The following HK1 variants were observed in gnomAD, a reference collection of about 807,000 sequenced individuals.
HK1 encodes the protein hexokinase-1.
HK1 carries 28 observed loss-of-function variants against 91.6 expected under a neutral mutation model. The observed-to-expected ratio is 0.31, with a 90% CI of 0.23 to 0.42. The LOEUF (loss-of-function observed/expected upper bound fraction) is 0.42. HK1 is among the 10% of genes least tolerant of loss of function. HK1 has a pLI of 1.00. For missense variants in HK1, 770 were observed against 1,219.8 expected (o/e 0.63, Z 5.49); for synonymous variants, 430 against 468.1 (o/e 0.92, Z 1.05).
chr10:69,372,092 G>A (rs1041735734), intron 7 of HK1, among the ~76,000 whole-genome samples: 1 of 152,120 alleles, frequency 6.6e-6, no homozygotes, highest in East Asian at 1.9e-4. Context: ...AGCAGGCAAA[G>A]AGAAATTGTG....
chr10:69,336,889 C>T (rs1172566230), intron 1 of HK1, among the ~76,000 whole-genome samples: 2 of 152,060 alleles, frequency 1.3e-5, no homozygotes, highest in East Asian at 1.9e-4. Context: ...AAGTGATCCA[C>T]CCGCCTCGGC....
At position 69,389,393 on chromosome 10, in the gene HK1, G is replaced by A. The variant is rs1839793110; in HGVS notation, c.2035+97G>A. On this transcript the variant is annotated intron_variant, in intron 14 of 17. Transcript: ENST00000359426. ...CCCAGCAGCTTGGTCCTCTGTATGGGGTAGTCTTATCTGTCAGTATCATTT... is the reference window on the plus strand; with the variant it reads ...CCCAGCAGCTTGGTCCTCTGTATGGAGTAGTCTTATCTGTCAGTATCATTT... 4.2e-6 allele frequency: 3 copies of A among 719,156 alleles called. No homozygotes were observed. The South Asian group carries it at 4.4e-5, about 11-fold the overall frequency. 44.5% of individuals were successfully genotyped at this position (719,156 alleles called of 1,614,324 possible). A position where few individuals can be genotyped will look rare whatever the true frequency, so the allele number is the denominator to read the frequency against.
chr10:69,344,057 A>G, intron 2 of HK1, 68 bp downstream of exon 2: 1 of 1,495,258 alleles, frequency 6.7e-7, no homozygotes, highest in Non-Finnish European at 9.3e-7. Context: ...TTCTAACTTC[A>G]TTTGTTCATA....
chr10:69,360,624 G>A (rs967023875), intron 3 of HK1, among the ~76,000 whole-genome samples: 32 of 152,172 alleles, frequency 2.1e-4, no homozygotes, highest in African/African-American at 6.5e-4. Context: ...CTCCTGTTGG[G>A]GCTCCCCACG....
intron 4 of HK1, among the ~76,000 whole-genome samples, chr10:69,299,621 C>CAA (rs1171987870): frequency 1.3e-5 from 2 of 151,242 alleles, no homozygotes; most frequent in Admixed American, 1.3e-4. Context: ...AGCTCGGCCT[C>CAA]CCAAAGTGCT....
chr10:69,315,640 T>G, upstream of HK1: 1 of 439,968 alleles, frequency 2.3e-6, no homozygotes. Flanking sequence ...AAGTCAGCAC[T>G]GGAACAACAG....
chr10:69,323,864 G>T (rs977277826), intron 1 of HK1, among the ~76,000 whole-genome samples: 1 of 152,194 alleles, frequency 6.6e-6, no homozygotes, highest in Non-Finnish European at 1.5e-5. Flanking sequence ...GCATGACTGG[G>T]ACTGTCTGTG....
At chr10:69,343,661 G>A (rs921167546) in intron 1 of HK1, among the ~76,000 whole-genome samples, 166 bp from the exon 2 acceptor site, 1 of 152,218 alleles carries the variant, frequency 6.6e-6, no homozygotes, top group African/African-American at 2.4e-5. Flanking sequence ...TTGCAAGCCT[G>A]TTCTGGGTGA....
chr10:69,275,340 G>A (rs929775442), intron 1 of HK1, among the ~76,000 whole-genome samples: 4 of 151,198 alleles, frequency 2.6e-5, no homozygotes, highest in African/African-American at 7.3e-5. Flanking sequence ...GAGCAACATG[G>A]CGAGACCCCA....
intron 8 of HK1, among the ~76,000 whole-genome samples, chr10:69,378,157 C>T (rs887118827): frequency 1.3e-5 from 2 of 152,084 alleles, no homozygotes; most frequent in African/African-American, 2.4e-5. Context: ...GGAAGGGGAG[C>T]GGGAGACTCG....
At chr10:69,294,425 T>C (rs995851816) in intron 3 of HK1, among the ~76,000 whole-genome samples, 1 of 152,158 alleles carries the variant, frequency 6.6e-6, no homozygotes, top group Non-Finnish European at 1.5e-5. Flanking sequence ...AAGGAAGTTA[T>C]AAAAAAGCAG....
chr10:69,288,661 CT>C lies in HK1; in HGVS notation c.-214-7del. 3.0e-6 allele frequency: 4 copies of C among 1,331,048 alleles called. No homozygotes were observed. In the South Asian group the frequency reaches 4.7e-5, roughly 16 times the overall value. 82.5% of individuals were successfully genotyped at this position (1,331,048 alleles called of 1,614,324 possible). A position where few individuals can be genotyped will look rare whatever the true frequency, so the allele number is the denominator to read the frequency against. On this transcript the variant is annotated splice_polypyrimidine_tract_variant and intron_variant, in intron 2 of 21. Transcript: ENST00000360289. ...TGACCCTGCCTTCTTTGAACTTGGC[CT>C]TTCTCTAGGCGTTCAAGACCCAGCT...
At chr10:69,358,099 T>C (rs1589534903) in intron 2 of HK1, among the ~76,000 whole-genome samples, 1 of 152,120 alleles carries the variant, frequency 6.6e-6, no homozygotes, top group East Asian at 1.9e-4. Flanking sequence ...TTTACTGCCA[T>C]AGGATTGAGA....
intron 5 of HK1, among the ~76,000 whole-genome samples, chr10:69,310,420 CAAAA>C (rs745830600): frequency 0.025 from 2,108 of 85,386 alleles, 43 homozygotes; most frequent in African/African-American, 0.08. Flanking sequence ...GACTTTGTCT[CAAAA>C]AAAAAAAAAA....
At chr10:69,356,608 G>A (rs1849141807) in intron 2 of HK1, among the ~76,000 whole-genome samples, 1 of 151,798 alleles carries the variant, frequency 6.6e-6, no homozygotes, top group Non-Finnish European at 1.5e-5. Flanking sequence ...AATGAGGCCG[G>A]GTGCGGTGGC....
At chr10:69,300,820 T>C (rs548563930) in exon 5 of HK1, 186 of 1,611,074 alleles carry the variant, frequency 1.2e-4, no homozygotes, top group Non-Finnish European at 1.3e-4. Context: ...TGCACCACTG[T>C]GGTGGCGTGG....
chr10:69,297,254 G>A (rs10998703), intron 4 of HK1, among the ~76,000 whole-genome samples: 21,824 of 152,158 alleles, frequency 0.14, 1,769 homozygotes, highest in Admixed American at 0.24. Context: ...AAGAGAGATA[G>A]ATTTACTATT....
chr10:69,298,461 A>T (rs11815263), intron 4 of HK1, among the ~76,000 whole-genome samples: 3,265 of 151,334 alleles, frequency 0.022, 208 homozygotes, highest in African/African-American at 0.074. Flanking sequence ...CCTCATCTCT[A>T]AAAAAAATTG....
intron 5 of HK1, among the ~76,000 whole-genome samples, chr10:69,306,408 T>C (rs1432660532): frequency 6.8e-6 from 1 of 148,140 alleles, no homozygotes; most frequent in Non-Finnish European, 1.5e-5. Context: ...AAATAAAAAA[T>C]AAAGAGGAAA....
Sources: gnomAD v4.1 joint callset for allele counts (sites outside exome capture counted in the v4.1 genomes callset) on GRCh38, gnomAD v4.1.1 for gene constraint, MANE v1.5 for transcripts, NCBI Gene and HGNC (gene_info 2026-07-23, HGNC 2026-07-21) for gene names.